ITPR1: variants seen among roughly 807,000 people sequenced by gnomAD.
ITPR1 encodes the protein inositol 1,4,5-trisphosphate receptor type 1.
A neutral mutation model predicts 318.4 loss-of-function variants in ITPR1; 96 were observed. That is an observed-to-expected ratio of 0.30 (90% CI 0.26 to 0.36). The LOEUF is 0.36. ITPR1 is among the 10% of genes least tolerant of loss of function. The pLI, the probability that ITPR1 is intolerant of heterozygous loss-of-function variation, is 1.00. For missense variants in ITPR1, 2,440 were observed against 3,460.2 expected, an observed-to-expected ratio of 0.71 and a Z score of 7.40; for synonymous variants, 1,312 against 1,289.9, an observed-to-expected ratio of 1.02 and a Z score of -0.37.
At chr3:4,696,599 A>G (rs551256172) in intron 33 of ITPR1, among the ~76,000 whole-genome samples, 23 of 150,462 alleles carry the variant, frequency 1.5e-4, no homozygotes, top group Non-Finnish European at 3.2e-4. Flanking sequence ...GTATAGACAC[A>G]TGTTTTCATT....
chr3:4,600,493 TGTGTGTGC>T (rs2091190219), intron 4 of ITPR1, among the ~76,000 whole-genome samples: 1 of 151,734 alleles, frequency 6.6e-6, no homozygotes, highest in South Asian at 2.1e-4. Context: ...TTTGTGTGTG[TGTGTGTGC>T]GTGTTTGTGT....
At position 4,588,942 on chromosome 3, in the gene ITPR1, T is replaced by A. The variant is rs879895918; in HGVS notation, c.164-38821T>A. Among the ~76,000 whole-genome samples, 3 of 152,298 alleles carry A rather than the reference T, an allele frequency of 2.0e-5. No individual in the cohort carries two copies. In the South Asian group the frequency reaches 6.2e-4, roughly 32 times the overall value. On this transcript the variant is annotated intron_variant, in intron 4 of 61. Coordinates refer to ENST00000649015, the MANE Select transcript of ITPR1 (RefSeq NM_001378452.1). ...CCCAATTTGCCTACTTCTCACCACCTAGTCTACAGCCCTCATTCTGCTCTA... is the reference window on the plus strand; with the variant it reads ...CCCAATTTGCCTACTTCTCACCACCAAGTCTACAGCCCTCATTCTGCTCTA...
intron 44 of ITPR1, among the ~76,000 whole-genome samples, chr3:4,765,240 C>T (rs922080045): frequency 2.0e-5 from 3 of 151,556 alleles, no homozygotes; most frequent in African/African-American, 4.9e-5. Context: ...GGAGGGAAAA[C>T]GAACCAGGGA....
chr3:4,803,998 G>C, intron 54 of ITPR1, among the ~76,000 whole-genome samples: 1 of 151,826 alleles, frequency 6.6e-6, no homozygotes, highest in Non-Finnish European at 1.5e-5. Context: ...CAGCCTCCCA[G>C]GTAGCTGGGA....
intron 54 of ITPR1, among the ~76,000 whole-genome samples, chr3:4,803,562 G>A (rs1435080151): frequency 2.0e-5 from 3 of 152,212 alleles, no homozygotes; most frequent in Non-Finnish European, 2.9e-5. Context: ...CAGAACTACA[G>A]AGAGAGATCA....
At chr3:4,790,811 G>T (rs181646921) in intron 52 of ITPR1, among the ~76,000 whole-genome samples, 26 of 152,306 alleles carry the variant, frequency 1.7e-4, no homozygotes, top group Non-Finnish European at 3.1e-4. Flanking sequence ...ATATGCAATT[G>T]CTCTGAGCTT....
chr3:4,744,898 CTCCTTCCTTCCTTCCTTCCTTCCTTCCT>C (rs199767679), intron 44 of ITPR1, among the ~76,000 whole-genome samples: 3,080 of 124,898 alleles, frequency 0.025, 70 homozygotes, highest in South Asian at 0.05. Flanking sequence ...GTCTCCCTCC[CTCCTTCCTTCCTTCCTTCCTTCCTTCCT>C]TCCTTCCTTC....
intron 53 of ITPR1, among the ~76,000 whole-genome samples, chr3:4,798,736 AAT>A (rs2048042568): frequency 1.3e-5 from 2 of 152,260 alleles, no homozygotes; most frequent in African/African-American, 4.8e-5. Flanking sequence ...TCCATACTAT[AAT>A]ATAGTCAGCA....
At chr3:4,788,812 A>G (rs933691737) in intron 52 of ITPR1, among the ~76,000 whole-genome samples, 2 of 152,146 alleles carry the variant, frequency 1.3e-5, no homozygotes, top group Non-Finnish European at 2.9e-5. Flanking sequence ...CTTAAAAAGG[A>G]TCGTGCTTGA....
In ITPR1 at chr3:4,710,866, GT is replaced by G. The variant is rs2041304502; in HGVS notation, c.4991+394del. ...TTTGTAATTTCTTAGTTTATGCCTT[GT>G]GCGTAATCTGTAAGCAACAAGCAGA... is the stretch of plus-strand genomic sequence containing the variant. On this transcript the variant is annotated intron_variant, in intron 38 of 61. Transcript: ENST00000649015. This position sits in a 1 kb window ranked among gnomAD's most constrained non-coding sequence, Gnocchi z 4.2. 6.6e-6 allele frequency among the ~76,000 whole-genome samples: 1 copy of G among 152,074 alleles called. No homozygotes were observed. The highest frequency in any genetic ancestry group is 2.4e-5 in the African/African-American group (1 of 41,398).
intron 35 of ITPR1, among the ~76,000 whole-genome samples, chr3:4,701,180 A>G (rs994933234): frequency 1.3e-5 from 2 of 152,212 alleles, no homozygotes; most frequent in Admixed American, 1.3e-4. Context: ...TTCCAGGAAT[A>G]GGGTTCAGTG....
chr3:4,710,318 G>C lies in ITPR1; in HGVS notation c.4843-7G>C. On this transcript the variant is annotated splice_polypyrimidine_tract_variant and splice_region_variant and intron_variant, in intron 37 of 61. Transcript: ENST00000649015. The surrounding 1 kb of genome is among the most constrained non-coding windows in gnomAD (Gnocchi z 4.2). ...AGCCGTTGACTGAGGCTGTGTTTCC[G>C]TTTTAGGACATCGTCTCCGCGCTGG... 6.5e-7 allele frequency: 1 copy of C among 1,544,126 alleles called. No individual in the cohort carries two copies. The highest frequency in any genetic ancestry group is 8.8e-7 in the Non-Finnish European group (1 of 1,138,754).
At chr3:4,577,014 T>C (rs1261441755) in intron 4 of ITPR1, among the ~76,000 whole-genome samples, 1 of 152,226 alleles carries the variant, frequency 6.6e-6, no homozygotes, top group African/African-American at 2.4e-5. Flanking sequence ...CAATACAGCC[T>C]TGCCTTTGGG....
In ITPR1 at chr3:4,794,752, C is replaced by A. The variant is rs539340696; in HGVS notation, c.6809-313C>A. ...GACTCAATGTGTGAACTCTGGATAA[C>A]CCCCAGATTCCGCAACTGATGGCTG... is the stretch of plus-strand genomic sequence containing the variant. On this transcript the variant is annotated intron_variant, in intron 52 of 61. Coordinates refer to ENST00000649015, the MANE Select transcript of ITPR1 (RefSeq NM_001378452.1). Among the ~76,000 whole-genome samples, 10 of 152,258 alleles carry A rather than the reference C, an allele frequency of 6.6e-5. No homozygotes were observed. In the East Asian group the frequency reaches 1.7e-3, roughly 26 times the overall value.
At chr3:4,748,701 T>G (rs1009262034) in intron 44 of ITPR1, among the ~76,000 whole-genome samples, 3 of 152,124 alleles carry the variant, frequency 2.0e-5, no homozygotes, top group African/African-American at 7.2e-5. Context: ...ATGCCTGTCT[T>G]ATATTTACAA....
intron 4 of ITPR1, among the ~76,000 whole-genome samples, chr3:4,546,221 G>A (rs1246604379): frequency 6.6e-6 from 1 of 152,084 alleles, no homozygotes; most frequent in East Asian, 1.9e-4. Context: ...TCTTTTCTTT[G>A]AGAGGATAGA....
At chr3:4,553,770 T>G (rs1189623687) in intron 4 of ITPR1, among the ~76,000 whole-genome samples, 1 of 152,140 alleles carries the variant, frequency 6.6e-6, no homozygotes, top group Non-Finnish European at 1.5e-5. Context: ...CTGGCTAATT[T>G]TTGTATTTTT....
At chr3:4,540,576 G>A (rs1408431121) in intron 4 of ITPR1, among the ~76,000 whole-genome samples, 2 of 152,066 alleles carry the variant, frequency 1.3e-5, no homozygotes, top group Non-Finnish European at 2.9e-5. Context: ...TTGTGTGTGT[G>A]TGTATGTGTG....
At chr3:4,758,764 A>C (rs1377576533) in intron 44 of ITPR1, among the ~76,000 whole-genome samples, 5 of 152,152 alleles carry the variant, frequency 3.3e-5, no homozygotes, top group Non-Finnish European at 7.4e-5. Flanking sequence ...CGGGAAACCT[A>C]AATTATGGCC....
Sources: gnomAD v4.1 joint callset for allele counts (sites outside exome capture counted in the v4.1 genomes callset) on GRCh38, gnomAD v4.1.1 for gene constraint, Gnocchi (gnomAD v3.1) non-coding constraint, MANE v1.5 for transcripts, NCBI Gene and HGNC (gene_info 2026-07-23, HGNC 2026-07-21) for gene names.